LIPF: variants seen among roughly 807,000 people sequenced by gnomAD.
The protein encoded by LIPF is lipase F, gastric type.
In LIPF, 25 loss-of-function variants were observed where a neutral mutation model predicts 38.0. The observed-to-expected ratio is 0.66, with a 90% CI of 0.48 to 0.92. The LOEUF (loss-of-function observed/expected upper bound fraction) is 0.92, where lower values mean the gene tolerates loss of function less well. Among genes scored for constraint, LIPF ranks in the 40% least tolerant of loss-of-function variants. The pLI is 0.00. For missense variants in LIPF, 410 were observed against 469.9 expected, an observed-to-expected ratio of 0.87 and a Z score of 1.18; for synonymous variants, 161 against 156.2, an observed-to-expected ratio of 1.03 and a Z score of -0.23.
chr10:88,671,769 C>G, intron 5 of LIPF, 60 bp from the exon 6 acceptor site: 1 of 1,546,412 alleles, frequency 6.5e-7, no homozygotes, highest in Non-Finnish European at 8.7e-7. Context: ...TAAAAACAAA[C>G]AAAACAACAA....
chr10:88,669,417 C>T (rs1841561674), intron 4 of LIPF: 1 of 161,038 alleles, frequency 6.2e-6, no homozygotes, highest in East Asian at 1.8e-4. Context: ...TCTGAGTGCA[C>T]TGAGAAGTTT....
chr10:88,669,934 G>A lies in LIPF; in HGVS notation c.520G>A (p.Gly174Ser). The A allele has an allele frequency of 6.2e-7, 1 of 1,608,730 alleles. No individual in the cohort carries two copies. The highest frequency in any genetic ancestry group is 8.5e-7 in the Non-Finnish European group (1 of 1,176,040). Residue 174 changes from glycine to serine, a missense_variant, in exon 5 of 10, where the codon GGC becomes AGC. Physicochemically the swap from Gly to Ser is moderately conservative, Grantham distance 56. Coordinates refer to ENST00000238983, the MANE Select transcript of LIPF (RefSeq NM_004190.4). ...KQLHYVGHSQ[G>S]TTIGFIAFST... ...GCTACACTATGTTGGCCATTCCCAG[G>A]GCACCACCATTGGTAAGTAATGGCA...
chr10:88,672,586 A>T (rs556109978), intron 6 of LIPF, among the ~76,000 whole-genome samples: 1 of 150,540 alleles, frequency 6.6e-6, no homozygotes, highest in South Asian at 2.1e-4. Flanking sequence ...GTTTTGTTTG[A>T]CAATGCTTAA....
chr10:88,671,617 G>T (rs569349100), intron 5 of LIPF, among the ~76,000 whole-genome samples: 1 of 151,916 alleles, frequency 6.6e-6, no homozygotes, highest in Non-Finnish European at 1.5e-5. Flanking sequence ...CTTTTAAAAC[G>T]TTCCAGCCTC....
At chr10:88,675,323 A>G (rs1841668712) in intron 7 of LIPF, among the ~76,000 whole-genome samples, 1 of 148,256 alleles carries the variant, frequency 6.7e-6, no homozygotes, top group Admixed American at 6.7e-5. Flanking sequence ...ATTTCTTTAA[A>G]CTTCTTTGTG....
At chr10:88,667,501 G>T in intron 2 of LIPF, 68 bp from the exon 3 acceptor site, 1 of 1,049,866 alleles carries the variant, frequency 9.5e-7, no homozygotes, top group Non-Finnish European at 1.4e-6. Flanking sequence ...AAAATAAACA[G>T]TAATATTCAT....
At chr10:88,668,403 AATC>A (rs1394052485) in intron 3 of LIPF, among the ~76,000 whole-genome samples, 152 bp from the exon 4 acceptor site, 2 of 152,240 alleles carry the variant, frequency 1.3e-5, no homozygotes, top group East Asian at 1.9e-4. Context: ...CTCCCTGAGA[AATC>A]ATCACCACAA....
chr10:88,671,173 A>T (rs951265505), intron 5 of LIPF, among the ~76,000 whole-genome samples: 3 of 152,022 alleles, frequency 2.0e-5, no homozygotes, highest in Admixed American at 6.6e-5. Flanking sequence ...CTATGTATAG[A>T]TATTTGAATT....
intron 8 of LIPF, 99 bp downstream of exon 8, chr10:88,675,756 G>A: frequency 1.3e-6 from 1 of 746,980 alleles, no homozygotes; most frequent in East Asian, 2.7e-5. Flanking sequence ...AGTACACCTG[G>A]AAGGTAATTT....
chr10:88,673,661 G>C lies in LIPF; in HGVS notation c.743G>C (p.Arg248Pro), dbSNP rs149098914. 6.2e-7 allele frequency: 1 copy of C among 1,612,534 alleles called. No homozygotes were observed. Among genetic ancestry groups the C allele is most frequent in the Non-Finnish European group, 8.5e-7 (1 of 1,178,822 alleles). The change falls in exon 7 of 10, where the codon CGT (arginine) becomes CCT (proline). Residue 248 changes from arginine to proline, a missense_variant. Coordinates refer to ENST00000238983, the MANE Select transcript of LIPF (RefSeq NM_004190.4). ...TTTCTTGCTACTGAAGTGTGCTCCC[G>C]TGAGATGCTGAATCTCCTTTGCAGC... ...DQFLATEVCSREMLNLLCSNA... is the reference protein window; with the variant it reads ...DQFLATEVCSPEMLNLLCSNA...
intron 1 of LIPF, among the ~76,000 whole-genome samples, chr10:88,666,796 G>A (rs1841518233): frequency 6.6e-6 from 1 of 152,110 alleles, no homozygotes; most frequent in Admixed American, 6.5e-5. Flanking sequence ...AAATGTTTAT[G>A]GAATAACTAT....
chr10:88,669,970 A>G, intron 5 of LIPF, 24 bp downstream of exon 5: 1 of 1,479,512 alleles, frequency 6.8e-7, no homozygotes, highest in Non-Finnish European at 9.4e-7. Flanking sequence ...GTCAAGGCCA[A>G]GTGGTTTACT....
rs1220174032 is a variant in LIPF, at chr10:88,673,570, A to G, written c.670-18A>G. ...AGCTTGATTGCTACAACCCTCTAAT[A>G]GTGCCTTTATTTTTCAGTTTATATT... On this transcript the variant is annotated intron_variant, in intron 6 of 9. Coordinates refer to ENST00000238983, the MANE Select transcript of LIPF (RefSeq NM_004190.4). 1.3e-6 allele frequency: 2 copies of G among 1,596,780 alleles called. No homozygotes were observed. Among genetic ancestry groups the G allele is most frequent in the Non-Finnish European group, 1.7e-6 (2 of 1,168,252 alleles).
chr10:88,672,670 A>ACTCTCTCTCTCTCTCTCT (rs60719768), intron 6 of LIPF, among the ~76,000 whole-genome samples: 1 of 110,500 alleles, frequency 9.0e-6, no homozygotes, highest in African/African-American at 3.4e-5. Flanking sequence ...ACACACACAC[A>ACTCTCTCTCTCTCTCTCT]CTCTCTCTCT....
In LIPF at chr10:88,668,574, GT is replaced by G. The variant is rs1279110162; in HGVS notation, c.245del (p.Leu82CysfsTer77). On this transcript the variant is annotated frameshift_variant, in exon 4 of 10. Transcript: ENST00000238983. LOFTEE classifies it high-confidence loss of function. ...SGNTGQRPVV[F>X]LQHGLLASAT... ...CTTCCTTAGGCCAGAGACCTGTTGT[GT>G]TTTTGCAGCATGGTTTGCTTGCATC... The G allele has an allele frequency of 1.9e-6, 3 of 1,614,152 alleles. No homozygotes were observed. The East Asian group carries it at 6.7e-5, about 36-fold the overall frequency.
At chr10:88,672,670 A>ACTCT (rs60719768) in intron 6 of LIPF, among the ~76,000 whole-genome samples, 20 of 110,548 alleles carry the variant, frequency 1.8e-4, no homozygotes, top group South Asian at 3.2e-4. Context: ...ACACACACAC[A>ACTCT]CTCTCTCTCT....
At chr10:88,673,022 C>A (rs749796458) in intron 6 of LIPF, among the ~76,000 whole-genome samples, 1 of 152,202 alleles carries the variant, frequency 6.6e-6, no homozygotes, top group South Asian at 2.1e-4. Context: ...TAGGTATAAT[C>A]GAGCTCTAAT....
chr10:88,670,724 C>G (rs144381126), intron 5 of LIPF, among the ~76,000 whole-genome samples: 1 of 152,110 alleles, frequency 6.6e-6, no homozygotes, highest in African/African-American at 2.4e-5. Flanking sequence ...AAAGACTGTT[C>G]GGGGCTCTTT....
At chr10:88,672,446 T>C (rs1841613818) in intron 6 of LIPF, among the ~76,000 whole-genome samples, 2 of 152,174 alleles carry the variant, frequency 1.3e-5, no homozygotes, top group African/African-American at 4.8e-5. Flanking sequence ...TCTCATGGCT[T>C]TCCCTTTTGG....
Sources: allele counts gnomAD v4.1 joint callset (sites outside exome capture counted in the v4.1 genomes callset), GRCh38; gene constraint gnomAD v4.1.1; transcripts MANE v1.5; gene names NCBI Gene and HGNC (gene_info 2026-07-23, HGNC 2026-07-21).